The following APBB2 variants were observed in gnomAD, a reference collection of about 807,000 sequenced individuals.
APBB2 encodes Fe65-like 1.
In APBB2, 38 loss-of-function variants were observed where a neutral mutation model predicts 82.5. The ratio of observed to expected loss-of-function variants is 0.46; its 90% CI spans 0.36 to 0.60. The LOEUF (loss-of-function observed/expected upper bound fraction) is 0.60, where lower values mean the gene tolerates loss of function less well. Ranked by LOEUF, APBB2 falls within the 20% of genes least tolerant of loss-of-function variation. APBB2 has a pLI of 0.00. For synonymous variants in APBB2, 341 were observed against 368.2 expected (o/e 0.93, Z 0.85); for missense variants, 772 against 972.3 (o/e 0.79, Z 2.74).
At chr4:40,853,287 C>A (rs1760070045) in intron 12 of APBB2, among the ~76,000 whole-genome samples, 1 of 152,122 alleles carries the variant, frequency 6.6e-6, no homozygotes, top group Non-Finnish European at 1.5e-5. Flanking sequence ...TAAACTAGAT[C>A]ATGGCATTCC....
chr4:40,886,917 A>G (rs1236671815), intron 12 of APBB2, among the ~76,000 whole-genome samples: 1 of 152,234 alleles, frequency 6.6e-6, no homozygotes, highest in Non-Finnish European at 1.5e-5. Context: ...ATCAAAGGGA[A>G]CAAAACTCAA....
intron 12 of APBB2, among the ~76,000 whole-genome samples, chr4:40,865,150 G>T (rs966176314): frequency 1.3e-5 from 2 of 152,006 alleles, no homozygotes; most frequent in Non-Finnish European, 2.9e-5. Flanking sequence ...GAGCCACCAC[G>T]CCTGGTCCTT....
At chr4:41,027,328 C>T (rs1004390680) in intron 5 of APBB2, among the ~76,000 whole-genome samples, 1 of 148,672 alleles carries the variant, frequency 6.7e-6, no homozygotes, top group Non-Finnish European at 1.5e-5. Context: ...TGTACATACA[C>T]ACACACATTT....
intron 6 of APBB2, among the ~76,000 whole-genome samples, chr4:40,948,246 T>C (rs1235360171): frequency 6.6e-6 from 1 of 152,222 alleles, no homozygotes; most frequent in African/African-American, 2.4e-5. Flanking sequence ...TAATTCATTT[T>C]GTTTAACCTT....
intron 12 of APBB2, among the ~76,000 whole-genome samples, chr4:40,873,491 A>G (rs1452260706): frequency 6.6e-6 from 1 of 152,232 alleles, no homozygotes; most frequent in Non-Finnish European, 1.5e-5. Context: ...GAGATGAATC[A>G]GAACATTTCC....
intron 10 of APBB2, among the ~76,000 whole-genome samples, chr4:40,915,225 G>A (rs573789519): frequency 1.1e-4 from 17 of 152,008 alleles, no homozygotes; most frequent in African/African-American, 2.7e-4. Context: ...CTCTCATCTC[G>A]TACTCAGTGT....
chr4:40,848,332 C>T (rs1758275422), intron 12 of APBB2, among the ~76,000 whole-genome samples: 2 of 152,226 alleles, frequency 1.3e-5, no homozygotes, highest in African/African-American at 4.8e-5. Context: ...CATCACGACT[C>T]ATTTTACAAA....
chr4:41,070,506 T>C (rs1229579396), intron 3 of APBB2, among the ~76,000 whole-genome samples: 1 of 152,124 alleles, frequency 6.6e-6, no homozygotes, highest in Non-Finnish European at 1.5e-5. Flanking sequence ...TTTACCACAT[T>C]GGCCAGGTTG....
chr4:40,962,407 C>G (rs1793523946), intron 6 of APBB2, among the ~76,000 whole-genome samples: 1 of 152,134 alleles, frequency 6.6e-6, no homozygotes, highest in African/African-American at 2.4e-5. Flanking sequence ...AAGATGAGAA[C>G]ACAGAACTAT....
intron 7 of APBB2, 41 bp downstream of exon 7, chr4:40,944,824 C>T: frequency 2.5e-6 from 4 of 1,597,382 alleles, no homozygotes; most frequent in Non-Finnish European, 3.4e-6. Flanking sequence ...CCACAAGTTA[C>T]ATCTATTCTA....
intron 10 of APBB2, among the ~76,000 whole-genome samples, chr4:40,915,343 A>G (rs1362627983): frequency 6.6e-6 from 1 of 152,152 alleles, no homozygotes; most frequent in Non-Finnish European, 1.5e-5. Flanking sequence ...CACCTGATGT[A>G]CTTTTATTCC....
rs114636432 is a variant in APBB2, at chr4:40,921,461, C to A, written c.1254+12995G>T. Among the ~76,000 whole-genome samples, 525 of 152,310 alleles carry A rather than the reference C, an allele frequency of 3.4e-3. 3 individuals carry two copies. The highest frequency in any genetic ancestry group is 0.012 in the African/African-American group (501 of 41,558). On this transcript the variant is annotated intron_variant, in intron 10 of 17. Transcript: ENST00000508593. ...CAGAGCGACCAGCACACGGCTGGAC[C>A]TGAAGAAATGTTCATTTCCTTCTCC...
intron 15 of APBB2, 54 bp from the exon 16 acceptor site, chr4:40,823,813 A>G: frequency 8.6e-7 from 1 of 1,168,094 alleles, no homozygotes; most frequent in South Asian, 1.2e-5. Flanking sequence ...ACCACACTCA[A>G]ATGTGGGCCC....
intron 6 of APBB2, among the ~76,000 whole-genome samples, chr4:40,969,013 C>T (rs1230711475): frequency 6.6e-6 from 1 of 152,194 alleles, no homozygotes; most frequent in African/African-American, 2.4e-5. Context: ...TTCTCTCTTG[C>T]CTGCTGTCAT....
chr4:40,991,175 CTTTTTT>C (rs58342460), intron 6 of APBB2, among the ~76,000 whole-genome samples: 8 of 90,474 alleles, frequency 8.8e-5, no homozygotes, highest in African/African-American at 3.0e-4. Flanking sequence ...GTGTGTTTTG[CTTTTTT>C]TTTTTTTTTT....
intron 2 of APBB2, among the ~76,000 whole-genome samples, chr4:41,140,826 T>C (rs147843178): frequency 6.6e-6 from 1 of 152,294 alleles, no homozygotes; most frequent in East Asian, 1.9e-4. Context: ...CCTATGAGAA[T>C]GTAATGCCTC....
chr4:41,025,286 T>C (rs1319166575), intron 5 of APBB2, among the ~76,000 whole-genome samples: 1 of 151,940 alleles, frequency 6.6e-6, no homozygotes, highest in Non-Finnish European at 1.5e-5. Flanking sequence ...GAAAAAAAGC[T>C]CAATACCGCT....
intron 10 of APBB2, among the ~76,000 whole-genome samples, chr4:40,893,830 C>T (rs1303760699): frequency 1.3e-5 from 2 of 151,966 alleles, no homozygotes; most frequent in African/African-American, 2.4e-5. Context: ...AAAAATTAGC[C>T]AGGCACGGTG....
At chr4:41,173,351 T>C (rs1768849401) in intron 1 of APBB2, among the ~76,000 whole-genome samples, 1 of 152,168 alleles carries the variant, frequency 6.6e-6, no homozygotes, top group Admixed American at 6.5e-5. Context: ...TAAATTCTCC[T>C]GGACCCAGGC....
Sources: gnomAD v4.1 joint callset for allele counts (sites outside exome capture counted in the v4.1 genomes callset) on GRCh38, gnomAD v4.1.1 for gene constraint, MANE v1.5 for transcripts, NCBI Gene and HGNC (gene_info 2026-07-23, HGNC 2026-07-21) for gene names.